Variants in CHD7 observed in about 807,000 individuals in gnomAD.
The protein encoded by CHD7 is chromodomain helicase DNA binding protein 7.
Under a neutral mutation model 307.3 loss-of-function variants are expected in CHD7, and 24 were observed. The ratio of observed to expected loss-of-function variants is 0.08; its 90% confidence interval spans 0.06 to 0.11. The LOEUF is 0.11. Among genes scored for constraint, CHD7 ranks in the 10% least tolerant of loss-of-function variants. The pLI is 1.00. For missense variants in CHD7, 3,106 were observed against 3,727.1 expected, an observed-to-expected ratio of 0.83 and a Z score of 4.34; for synonymous variants, 1,363 against 1,349.9, an observed-to-expected ratio of 1.01 and a Z score of -0.21.
rs1448140565 is a variant in CHD7 at position 60,865,001 on chromosome 8, TC to T, written c.8077-11del. The T allele has an allele frequency of 1.3e-6, 2 of 1,570,104 alleles. No individual in the cohort carries two copies. The highest frequency in any genetic ancestry group is 1.7e-6 in the Non-Finnish European group (2 of 1,153,586). Reference sequence around the variant, plus strand: ...ACAGCCTTTATAGCCACTGTTTGCCTCCCCTGTACTCCAGGGTTTTGTTCCT... The same window carrying T: ...ACAGCCTTTATAGCCACTGTTTGCCTCCCTGTACTCCAGGGTTTTGTTCCT... On this transcript the variant is annotated splice_polypyrimidine_tract_variant and intron_variant, in intron 37 of 37. Coordinates refer to ENST00000423902, the MANE Select transcript of CHD7 (RefSeq NM_017780.4). This position sits in a 1 kb window ranked among gnomAD's most constrained non-coding sequence, Gnocchi z 4.3.
At chr8:60,728,991 C>G (rs960675367) in intron 1 of CHD7, among the ~76,000 whole-genome samples, 10 of 152,030 alleles carry the variant, frequency 6.6e-5, no homozygotes, top group African/African-American at 1.9e-4. Flanking sequence ...TCAAGTAGAC[C>G]CCAGTGTCAA....
intron 2 of CHD7, among the ~76,000 whole-genome samples, chr8:60,757,465 AC>A (rs1809955593): frequency 6.6e-6 from 1 of 152,136 alleles, no homozygotes; most frequent in Non-Finnish European, 1.5e-5. Context: ...TGTCTTCATG[AC>A]AATTATCTCA....
chr8:60,729,462 G>A (rs763436261), intron 1 of CHD7, among the ~76,000 whole-genome samples: 1 of 152,146 alleles, frequency 6.6e-6, no homozygotes, highest in Non-Finnish European at 1.5e-5. Context: ...GAAAATGTGG[G>A]TAGGTATAGT....
chr8:60,779,278 C>T (rs1311286264), intron 2 of CHD7, among the ~76,000 whole-genome samples: 1 of 152,140 alleles, frequency 6.6e-6, no homozygotes, highest in Non-Finnish European at 1.5e-5. Context: ...GAATTTTAAT[C>T]TCTTAACTCA....
At position 60,856,600 on chromosome 8, in the gene CHD7, A is replaced by T; in HGVS notation, c.7320A>T (p.Lys2440Asn). The change falls in exon 34 of 38, where the codon AAA becomes AAT. Residue 2440 changes from lysine (K) to asparagine (N), a missense_variant. Physicochemically the swap from Lys to Asn is moderately conservative, Grantham distance 94 (BLOSUM62 0). Around this residue, in one of 10 missense-constraint regions of CHD7, gnomAD observed 1,030 missense variants for 1,165.4 expected, o/e 0.88. Transcript: ENST00000423902. The stretch of plus-strand genomic sequence containing the variant: ...TGGTCTCAGAAAATGGACAAGAAAA[A>T]GTTGTAGATTTATCAAAGGCCTCAA... Reference protein sequence around the residue: ...SQVVSENGQEKVVDLSKASRE... With the variant: ...SQVVSENGQENVVDLSKASRE... 1.9e-6 allele frequency: 3 copies of T among 1,614,056 alleles called. No individual in the cohort carries two copies. Among genetic ancestry groups the T allele is most frequent in the South Asian group, 1.1e-5 (1 of 91,086 alleles).
At chr8:60,704,121 T>G (rs916100491) in intron 1 of CHD7, among the ~76,000 whole-genome samples, 3 of 152,198 alleles carry the variant, frequency 2.0e-5, no homozygotes, top group African/African-American at 7.2e-5. Flanking sequence ...TCTCCCTTGT[T>G]TGAGTTTCCT....
intron 1 of CHD7, among the ~76,000 whole-genome samples, chr8:60,689,436 A>T (rs962099086): frequency 6.6e-6 from 1 of 152,222 alleles, no homozygotes; most frequent in East Asian, 1.9e-4. Context: ...AATAATTGCT[A>T]TTTTACAGGT....
rs45461501 is a variant in CHD7 at position 60,828,630 on chromosome 8, A to G, written c.3379-33A>G. 6.8e-3 allele frequency: 10,746 copies of G among 1,575,736 alleles called. 37 individuals carry two copies. Among genetic ancestry groups the G allele is most frequent in the Non-Finnish European group, 8.3e-3 (9,675 of 1,161,426 alleles). On this transcript the variant is annotated intron_variant, in intron 13 of 37. Transcript: ENST00000423902. ...GTTTTAAGAAAGTGTTTTTGTTACAATTTGGTTAGTGGCTTTCCTTGTGTT... is the reference window on the plus strand; with the variant it reads ...GTTTTAAGAAAGTGTTTTTGTTACAGTTTGGTTAGTGGCTTTCCTTGTGTT...
intron 1 of CHD7, among the ~76,000 whole-genome samples, chr8:60,714,126 A>G (rs1220418835): frequency 6.6e-6 from 1 of 151,526 alleles, no homozygotes; most frequent in Non-Finnish European, 1.5e-5. Context: ...CGCTTCCGGG[A>G]TGGGTCAGCG....
intron 2 of CHD7, among the ~76,000 whole-genome samples, chr8:60,764,862 A>T (rs1022926841): frequency 2.0e-5 from 3 of 152,364 alleles, no homozygotes; most frequent in African/African-American, 7.2e-5. Flanking sequence ...CAGACATAGT[A>T]CAGAACATGT....
At chr8:60,851,157 C>T in intron 27 of CHD7, 53 bp downstream of exon 27, 2 of 1,472,076 alleles carry the variant, frequency 1.4e-6, no homozygotes, top group African/African-American at 1.4e-5. Flanking sequence ...ATTATATGCC[C>T]ACATAAGACT....
intron 2 of CHD7, among the ~76,000 whole-genome samples, chr8:60,751,062 A>G (rs1054653085): frequency 6.6e-6 from 1 of 152,232 alleles, no homozygotes; most frequent in Admixed American, 6.5e-5. Flanking sequence ...GTTTCAAAGA[A>G]GGCTACATAA....
At chr8:60,808,504 A>AT (rs1175657968) in intron 7 of CHD7, among the ~76,000 whole-genome samples, 2 of 152,172 alleles carry the variant, frequency 1.3e-5, no homozygotes, top group African/African-American at 2.4e-5. Flanking sequence ...ACCAATAAGT[A>AT]TTTTTTTAGA....
At chr8:60,740,903 T>C (rs935299581) in intron 1 of CHD7, among the ~76,000 whole-genome samples, 1 of 152,248 alleles carries the variant, frequency 6.6e-6, no homozygotes, top group African/African-American at 2.4e-5. Flanking sequence ...GCTGCTTGGC[T>C]ATATTCATAC....
intron 19 of CHD7, among the ~76,000 whole-genome samples, chr8:60,838,591 A>G (rs1351867195): frequency 6.6e-6 from 1 of 152,194 alleles, no homozygotes; most frequent in African/African-American, 2.4e-5. Context: ...TTTTTGAAAC[A>G]GCCTATAAGA....
rs906249791 is a variant in CHD7 at position 60,867,433 on chromosome 8, A to G, written c.*1500A>G. The stretch of plus-strand genomic sequence containing the variant: ...GACCCACTTAAGCACGCACGCGCGC[A>G]CGCACGGTCTCAGGAGCTACTGATT... On this transcript the variant is annotated 3_prime_UTR_variant, in exon 38 of 38. Transcript: ENST00000423902. The G allele has an allele frequency of 6.6e-6, 1 of 152,284 alleles. No individual in the cohort carries two copies. The highest frequency in any genetic ancestry group is 2.4e-5 in the African/African-American group (1 of 41,480). The allele number at this position is 152,284 out of a possible 1,614,324, so 9.4% of individuals were successfully genotyped here.
chr8:60,744,718 G>T (rs562133771), intron 2 of CHD7, among the ~76,000 whole-genome samples: 11 of 151,720 alleles, frequency 7.3e-5, no homozygotes, highest in African/African-American at 2.7e-4. Flanking sequence ...AGTTGGGCAT[G>T]GTGGTGCATG....
intron 8 of CHD7, among the ~76,000 whole-genome samples, chr8:60,817,706 G>T (rs1363848663): frequency 1.3e-5 from 2 of 152,186 alleles, no homozygotes; most frequent in Admixed American, 6.5e-5. Flanking sequence ...TTTGAAGAAA[G>T]AATCTTAATA....
chr8:60,695,240 C>T (rs558620830), intron 1 of CHD7, among the ~76,000 whole-genome samples: 42 of 152,198 alleles, frequency 2.8e-4, no homozygotes, highest in African/African-American at 9.2e-4. Flanking sequence ...TAAAGCTACT[C>T]CATTGATAAA....
Sources: allele counts gnomAD v4.1 joint callset (sites outside exome capture counted in the v4.1 genomes callset), GRCh38; gene constraint gnomAD v4.1.1; regional missense constraint gnomAD v4.1.1; non-coding constraint Gnocchi (gnomAD v3.1); transcripts MANE v1.5; gene names NCBI Gene and HGNC (gene_info 2026-07-23, HGNC 2026-07-21).